Variants in KHDRBS1 observed in about 807,000 individuals in gnomAD.
KHDRBS1 encodes KH RNA binding domain containing, signal transduction associated 1.
A neutral mutation model predicts 48.4 loss-of-function variants in KHDRBS1; 7 were observed. The ratio of observed to expected loss-of-function variants is 0.14; its 90% CI spans 0.08 to 0.27. The LOEUF is 0.27. Among genes scored for constraint, KHDRBS1 ranks in the 10% least tolerant of loss-of-function variants. The probability of loss-of-function intolerance (pLI) is 1.00; values close to 1 mark genes in which losing one functional copy is unlikely to be tolerated. For missense variants in KHDRBS1, 458 were observed against 601.2 expected (o/e 0.76, Z 2.49); for synonymous variants, 241 against 235.8 (o/e 1.02, Z -0.20).
At chr1:32,027,096 A>G (rs1043403246) in intron 1 of KHDRBS1, among the ~76,000 whole-genome samples, 6 of 151,290 alleles carry the variant, frequency 4.0e-5, no homozygotes, top group African/African-American at 7.3e-5. Context: ...CGCCCGGTCT[A>G]TGTATATATT....
At chr1:32,015,255 G>A (rs1245876264) in intron 1 of KHDRBS1, among the ~76,000 whole-genome samples, 1 of 152,116 alleles carries the variant, frequency 6.6e-6, no homozygotes, top group Admixed American at 6.6e-5. Flanking sequence ...GTAGGTTAGC[G>A]CTCTTTTCCT....
chr1:32,036,419 T>C (rs1235477644), intron 4 of KHDRBS1, among the ~76,000 whole-genome samples: 1 of 152,156 alleles, frequency 6.6e-6, no homozygotes, highest in African/African-American at 2.4e-5. Context: ...TCTGCCCGCC[T>C]CGGCCTCCCA....
At chr1:32,024,907 G>A (rs1425520155) in intron 1 of KHDRBS1, among the ~76,000 whole-genome samples, 1 of 151,838 alleles carries the variant, frequency 6.6e-6, no homozygotes, top group African/African-American at 2.4e-5. Flanking sequence ...CGAGGCTGCA[G>A]TGAACTATGA....
At chr1:32,050,402 GT>G (rs1414707894) in intron 10 of KHDRBS1, among the ~76,000 whole-genome samples, 5 of 151,972 alleles carry the variant, frequency 3.3e-5, no homozygotes, top group African/African-American at 4.8e-5. Context: ...CAGTTTATCT[GT>G]TTTTTTCTTT....
chr1:32,024,134 C>A (rs1638914915), intron 1 of KHDRBS1, among the ~76,000 whole-genome samples: 1 of 152,026 alleles, frequency 6.6e-6, no homozygotes, highest in African/African-American at 2.4e-5. Flanking sequence ...TGCTTGTAAT[C>A]CCAGCTACTC....
intron 10 of KHDRBS1, chr1:32,054,450 G>A (rs931315558): frequency 6.6e-6 from 1 of 152,220 alleles, no homozygotes; most frequent in Admixed American, 6.5e-5. Flanking sequence ...AGTCGTTTGA[G>A]GATGAGATGT....
intron 4 of KHDRBS1, 60 bp from the exon 5 acceptor site, chr1:32,036,850 A>T: frequency 1.3e-6 from 2 of 1,534,658 alleles, no homozygotes; most frequent in Non-Finnish European, 8.8e-7. Context: ...CGTGGACCAG[A>T]TGATTTCTCA....
At chr1:32,031,905 A>G (rs1468295607) in intron 3 of KHDRBS1, among the ~76,000 whole-genome samples, 2 of 152,160 alleles carry the variant, frequency 1.3e-5, no homozygotes, top group African/African-American at 2.4e-5. Flanking sequence ...CATGTTGCGC[A>G]TTGGTAGGAT....
At chr1:32,057,104 G>A (rs190967559) in intron 10 of KHDRBS1, among the ~76,000 whole-genome samples, 1 of 152,168 alleles carries the variant, frequency 6.6e-6, no homozygotes, top group African/African-American at 2.4e-5. Context: ...GAGGGCTTGG[G>A]GAAAGGACAT....
At chr1:32,015,612 C>T (rs1026178986) in intron 1 of KHDRBS1, among the ~76,000 whole-genome samples, 1 of 152,218 alleles carries the variant, frequency 6.6e-6, no homozygotes, top group Non-Finnish European at 1.5e-5. Flanking sequence ...AGTCTCCCCT[C>T]ACTGCTTAAC....
At chr1:32,028,708 T>G (rs1639023698) in intron 1 of KHDRBS1, among the ~76,000 whole-genome samples, 1 of 151,568 alleles carries the variant, frequency 6.6e-6, no homozygotes, top group Non-Finnish European at 1.5e-5. Context: ...GGTTTCACCG[T>G]GTTAGCCAGG....
downstream of KHDRBS1, among the ~76,000 whole-genome samples, chr1:32,046,947 A>G (rs1489180766): frequency 1.3e-5 from 2 of 152,184 alleles, no homozygotes; most frequent in Admixed American, 1.3e-4. Context: ...CTGAATGCAG[A>G]GAATTTAGTC....
intron 5 of KHDRBS1, among the ~76,000 whole-genome samples, chr1:32,037,587 A>G (rs1387664561): frequency 6.6e-6 from 1 of 152,146 alleles, no homozygotes; most frequent in Non-Finnish European, 1.5e-5. Context: ...ACCTTTTGTG[A>G]CTGACCTTTA....
intron 1 of KHDRBS1, among the ~76,000 whole-genome samples, chr1:32,019,864 C>G (rs975725174): frequency 6.6e-6 from 1 of 152,064 alleles, no homozygotes; most frequent in Non-Finnish European, 1.5e-5. Flanking sequence ...CTCTACCTTT[C>G]GGTTTCAAGC....
intron 5 of KHDRBS1, 76 bp downstream of exon 5, chr1:32,037,119 T>C (rs1639199103): frequency 7.3e-6 from 11 of 1,500,640 alleles, no homozygotes; most frequent in Admixed American, 1.9e-5. Flanking sequence ...GGTGCTCTTA[T>C]GTCTAGCTTA....
intron 1 of KHDRBS1, among the ~76,000 whole-genome samples, chr1:32,027,100 A>G (rs1047182839): frequency 7.3e-5 from 11 of 150,916 alleles, no homozygotes; most frequent in African/African-American, 2.7e-4. Flanking sequence ...CGGTCTATGT[A>G]TATATTTTTT....
chr1:32,017,668 C>T (rs180739466), intron 1 of KHDRBS1, among the ~76,000 whole-genome samples: 3 of 122,682 alleles, frequency 2.4e-5, no homozygotes, highest in Admixed American at 1.1e-4. Flanking sequence ...AGTGCAATGG[C>T]GCGATCTTGG....
intron 3 of KHDRBS1, among the ~76,000 whole-genome samples, chr1:32,032,304 A>C (rs543325185): frequency 6.6e-6 from 1 of 151,848 alleles, no homozygotes; most frequent in African/African-American, 2.4e-5. Flanking sequence ...AATTCTTTCA[A>C]CCCTCCTTTT....
intron 10 of KHDRBS1, among the ~76,000 whole-genome samples, chr1:32,057,970 T>C (rs1639499245): frequency 6.6e-6 from 1 of 151,262 alleles, no homozygotes; most frequent in Non-Finnish European, 1.5e-5. Context: ...AACAAAAAAT[T>C]AGCTGAGTGT....
Sources: gnomAD v4.1 joint callset for allele counts (sites outside exome capture counted in the v4.1 genomes callset) on GRCh38, gnomAD v4.1.1 for gene constraint, MANE v1.5 for transcripts, NCBI Gene and HGNC (gene_info 2026-07-23, HGNC 2026-07-21) for gene names.